Variants in ZMIZ1 observed in about 807,000 individuals in gnomAD.
The protein encoded by ZMIZ1 is zinc finger MIZ domain-containing protein 1.
A neutral mutation model predicts 113.9 loss-of-function variants in ZMIZ1; 17 were observed. The observed-to-expected ratio is 0.15, with a 90% confidence interval of 0.10 to 0.22. The LOEUF (loss-of-function observed/expected upper bound fraction) is 0.22, where lower values mean the gene tolerates loss of function less well. Ranked by LOEUF, ZMIZ1 falls within the 10% of genes least tolerant of loss-of-function variation. The pLI is 1.00. For missense variants in ZMIZ1, 1,059 were observed against 1,477.8 expected (o/e 0.72, Z 4.65); for synonymous variants, 607 against 603.1 (o/e 1.01, Z -0.09).
chr10:79,221,894 C>T (rs1438675852), intron 7 of ZMIZ1, among the ~76,000 whole-genome samples: 1 of 152,274 alleles, frequency 6.6e-6, no homozygotes, highest in African/African-American at 2.4e-5. Flanking sequence ...CGCGCCCTTC[C>T]TGTCTTCCTG....
Position 79,184,331 on chromosome 10 carries a change from G to C in ZMIZ1, c.-49-17253G>C, listed in dbSNP as rs560201031. ...ACACACAGCATTGTGAGCTGTGAGCGTGAGAATAGGCCTTGGAGACTGGCA... is the reference window on the plus strand; with the variant it reads ...ACACACAGCATTGTGAGCTGTGAGCCTGAGAATAGGCCTTGGAGACTGGCA... On this transcript the variant is annotated intron_variant, in intron 4 of 24. Coordinates refer to ENST00000334512, the MANE Select transcript of ZMIZ1 (RefSeq NM_020338.4). Among the ~76,000 whole-genome samples, 8 of 152,322 alleles carry C rather than the reference G, an allele frequency of 5.3e-5. No individual in the cohort carries two copies. In the East Asian group the frequency reaches 1.4e-3, roughly 26 times the overall value.
At chr10:79,224,627 C>T (rs1399829856) in intron 7 of ZMIZ1, among the ~76,000 whole-genome samples, 1 of 152,208 alleles carries the variant, frequency 6.6e-6, no homozygotes, top group Non-Finnish European at 1.5e-5. Flanking sequence ...TCACCAGGGC[C>T]CTCAGCAGCC....
In ZMIZ1 at chr10:79,112,449, G is replaced by A. The variant is rs187666781; in HGVS notation, c.-336-6466G>A. Among the ~76,000 whole-genome samples the A allele has an allele frequency of 3.4e-4, 52 of 152,324 alleles. No homozygotes were observed. In the East Asian group the frequency reaches 9.1e-3, roughly 27 times the overall value. ...CATCACCGAAAGTCCTTGGGTGAGC[G>A]TAGCAGAGGTGTTGGGGTAGGCTTC... On this transcript the variant is annotated intron_variant, in intron 1 of 24. Coordinates refer to ENST00000334512, the MANE Select transcript of ZMIZ1 (RefSeq NM_020338.4).
At chr10:79,204,487 T>C (rs569949178) in intron 5 of ZMIZ1, among the ~76,000 whole-genome samples, 4 of 152,322 alleles carry the variant, frequency 2.6e-5, no homozygotes, top group South Asian at 2.1e-4. Context: ...TGAGCATCTG[T>C]ACCCCATCCC....
Position 79,296,241 on chromosome 10 carries a change from C to T in ZMIZ1, c.1231-230C>T. The T allele has an allele frequency of 1.7e-6, 1 of 585,610 alleles. No individual in the cohort carries two copies. Among genetic ancestry groups the T allele is most frequent in the Non-Finnish European group, 3.1e-6 (1 of 326,516 alleles). 36.3% of individuals were successfully genotyped at this position (585,610 alleles called of 1,614,324 possible). On this transcript the variant is annotated intron_variant, in intron 12 of 24. Coordinates refer to ENST00000334512, the MANE Select transcript of ZMIZ1 (RefSeq NM_020338.4). This position sits in a 1 kb window ranked among gnomAD's most constrained non-coding sequence, Gnocchi z 4.1. The stretch of plus-strand genomic sequence containing the variant: ...TCCCTGGAGTTCAGGGGCACATGTG[C>T]TCCAGGAAGAACGGCCTCAAGGGGA...
At chr10:79,191,098 T>G (rs559234897) in intron 4 of ZMIZ1, among the ~76,000 whole-genome samples, 7 of 152,208 alleles carry the variant, frequency 4.6e-5, no homozygotes, top group African/African-American at 1.4e-4. Context: ...GGTGGAGGGT[T>G]GTATGGATGC....
In ZMIZ1 at chr10:79,138,934, A is replaced by G. The variant is rs34600766; in HGVS notation, c.-226-748A>G. 6.6e-3 allele frequency among the ~76,000 whole-genome samples: 1,009 copies of G among 152,324 alleles called. 5 individuals carry two copies. The highest frequency in any genetic ancestry group is 0.024 in the Middle Eastern group (7 of 294). Reference sequence around the variant, plus strand: ...GGTGAACATTAAATTAAGTCATCACACAGGTAGATCTCAGCTCAGACCAAG... The same window carrying G: ...GGTGAACATTAAATTAAGTCATCACGCAGGTAGATCTCAGCTCAGACCAAG... On this transcript the variant is annotated intron_variant, in intron 2 of 24. Coordinates refer to ENST00000334512, the MANE Select transcript of ZMIZ1 (RefSeq NM_020338.4).
intron 1 of ZMIZ1, among the ~76,000 whole-genome samples, chr10:79,070,791 G>A (rs1842247754): frequency 6.6e-6 from 1 of 152,052 alleles, no homozygotes; most frequent in South Asian, 2.1e-4. Context: ...TCAGCTTCCT[G>A]GGTAGGCAGT....
chr10:79,305,028 A>G, intron 19 of ZMIZ1, 136 bp from the exon 20 acceptor site: 1 of 948,310 alleles, frequency 1.1e-6, no homozygotes, highest in Non-Finnish European at 1.7e-6. Flanking sequence ...CTTTCATTCC[A>G]CCCAGCCCCA....
intron 11 of ZMIZ1, chr10:79,292,825 TGAG>T (rs1419350323): frequency 1.9e-5 from 9 of 462,130 alleles, no homozygotes; most frequent in Non-Finnish European, 3.5e-5. Flanking sequence ...GGTTAGGGGA[TGAG>T]GAGAGGGGAG....
chr10:79,163,208 C>G (rs1161106747), intron 4 of ZMIZ1, among the ~76,000 whole-genome samples: 1 of 152,228 alleles, frequency 6.6e-6, no homozygotes, highest in Non-Finnish European at 1.5e-5. Context: ...CCCTGCTGCC[C>G]TCAGCGTCCC....
At position 79,253,322 on chromosome 10, in the gene ZMIZ1, G is replaced by T. The variant is rs770697139; in HGVS notation, c.281-23859G>T. On this transcript the variant is annotated intron_variant, in intron 7 of 24. Coordinates refer to ENST00000334512, the MANE Select transcript of ZMIZ1 (RefSeq NM_020338.4). ...CTGTTGGATATAGGGTAGTGTACTT[G>T]TGAGTTTGTGCAGGCTTACAAACAC... is the stretch of plus-strand genomic sequence containing the variant. 5.8e-4 allele frequency among the ~76,000 whole-genome samples: 89 copies of T among 152,194 alleles called. 1 individual carries two copies. Among genetic ancestry groups the T allele is most frequent in the Non-Finnish European group, 2.4e-4 (16 of 68,044 alleles).
Position 79,069,540 on chromosome 10 carries a change from A to G in ZMIZ1, c.-337+270A>G, listed in dbSNP as rs1589235791. On this transcript the variant is annotated intron_variant, in intron 1 of 24. Coordinates refer to ENST00000334512, the MANE Select transcript of ZMIZ1 (RefSeq NM_020338.4). The surrounding 1 kb of genome is among the most constrained non-coding windows in gnomAD (Gnocchi z 4.6). ...GGTTTGTCAGGGTGTGCGGGGCGTA[A>G]GTGTGGTCGTGCGCGCGCGGACCCG... Among the ~76,000 whole-genome samples, 1 of 151,544 alleles carries G rather than the reference A, an allele frequency of 6.6e-6. No individual in the cohort carries two copies. The highest frequency in any genetic ancestry group is 1.5e-5 in the Non-Finnish European group (1 of 67,798).
At chr10:79,292,771 G>T (rs1564589488) in intron 11 of ZMIZ1, 2 of 466,246 alleles carry the variant, frequency 4.3e-6, no homozygotes, top group East Asian at 6.7e-5. Context: ...CTATCTGTGG[G>T]TCTGCGCAGG....
intron 3 of ZMIZ1, among the ~76,000 whole-genome samples, chr10:79,160,688 C>CGTGTT: frequency 6.6e-6 from 1 of 152,220 alleles, no homozygotes; most frequent in South Asian, 2.1e-4. Context: ...CCCTGGGCAC[C>CGTGTT]ATTTCTCCCT....
intron 4 of ZMIZ1, among the ~76,000 whole-genome samples, chr10:79,164,827 G>C (rs964326711): frequency 3.3e-5 from 5 of 152,204 alleles, no homozygotes; most frequent in African/African-American, 9.7e-5. Flanking sequence ...CTGAGTCTGG[G>C]AGAGAGCATG....
chr10:79,274,804 CTT>C (rs1021687454), intron 7 of ZMIZ1, among the ~76,000 whole-genome samples: 4 of 152,248 alleles, frequency 2.6e-5, no homozygotes, highest in African/African-American at 9.6e-5. Context: ...CCTTTATTCC[CTT>C]TATGGAAACC....
chr10:79,171,104 C>T (rs369078310), intron 4 of ZMIZ1, among the ~76,000 whole-genome samples: 35 of 152,346 alleles, frequency 2.3e-4, no homozygotes, highest in African/African-American at 6.7e-4. Flanking sequence ...GAAATATCCA[C>T]GCACAGTGCG....
chr10:79,220,912 T>G (rs1848938933), intron 7 of ZMIZ1, among the ~76,000 whole-genome samples: 1 of 152,160 alleles, frequency 6.6e-6, no homozygotes, highest in Non-Finnish European at 1.5e-5. Flanking sequence ...GCTGTGTACA[T>G]GTACATGGCT....
Sources: allele counts gnomAD v4.1 joint callset (sites outside exome capture counted in the v4.1 genomes callset), GRCh38; gene constraint gnomAD v4.1.1; non-coding constraint Gnocchi (gnomAD v3.1); transcripts MANE v1.5; gene names NCBI Gene and HGNC (gene_info 2026-07-23, HGNC 2026-07-21).